BCKDHB: variants seen among roughly 807,000 people sequenced by gnomAD.
The protein encoded by BCKDHB is branched chain keto acid dehydrogenase E1 subunit beta, also known as 2-oxoisovalerate dehydrogenase subunit beta, mitochondrial.
Under a neutral mutation model 48.5 loss-of-function variants are expected in BCKDHB, and 41 were observed. The ratio of observed to expected loss-of-function variants is 0.85; its 90% CI spans 0.66 to 1.10. BCKDHB has a LOEUF of 1.10. BCKDHB is among the 50% of genes least tolerant of loss of function. The pLI is 0.00. For synonymous variants in BCKDHB, 201 were observed against 174.8 expected, an observed-to-expected ratio of 1.15 and a Z score of -1.18; for missense variants, 496 against 494.2, an observed-to-expected ratio of 1.00 and a Z score of -0.03.
At chr6:80,206,629 A>G (rs1414513449) in intron 8 of BCKDHB, among the ~76,000 whole-genome samples, 1 of 151,830 alleles carries the variant, frequency 6.6e-6, no homozygotes, top group Non-Finnish European at 1.5e-5. Context: ...TATATCTGAC[A>G]ATAAGAACTC....
chr6:80,234,285 A>C (rs748841909), intron 8 of BCKDHB, among the ~76,000 whole-genome samples: 4 of 152,200 alleles, frequency 2.6e-5, no homozygotes, highest in Non-Finnish European at 5.9e-5. Flanking sequence ...TCCATGAAGA[A>C]ACCAAGAAAA....
chr6:80,190,586 G>C lies in BCKDHB; in HGVS notation c.743-10348G>C, dbSNP rs79710592. 3.7e-3 allele frequency among the ~76,000 whole-genome samples: 569 copies of C among 152,180 alleles called. 3 individuals are homozygous for C. Among genetic ancestry groups the C allele is most frequent in the African/African-American group, 0.013 (541 of 41,508 alleles). ...GGTGATACTTTAAAGGTGCTTAAAC[G>C]TGCCTAATATGTTGAAAGGGCTCAC... On this transcript the variant is annotated intron_variant, in intron 6 of 9. Coordinates refer to ENST00000320393, the MANE Select transcript of BCKDHB (RefSeq NM_183050.4).
At chr6:80,230,327 C>T (rs1204641691) in intron 8 of BCKDHB, among the ~76,000 whole-genome samples, 10 of 151,908 alleles carry the variant, frequency 6.6e-5, no homozygotes, top group Non-Finnish European at 7.4e-5. Context: ...CGTGAGCCAC[C>T]GCGCCTGGCC....
intron 3 of BCKDHB, among the ~76,000 whole-genome samples, chr6:80,156,349 C>T (rs1772045424): frequency 6.6e-6 from 1 of 151,922 alleles, no homozygotes; most frequent in Non-Finnish European, 1.5e-5. Flanking sequence ...ATGAGGCTTT[C>T]ACTGAGATTC....
At chr6:80,375,058 T>C in the BCKDHB span, among the ~76,000 whole-genome samples, 3 of 152,236 alleles carry the variant, frequency 2.0e-5, no homozygotes, top group African/African-American at 4.8e-5. Context: ...AGTTACCTGA[T>C]GCTTTTGCCT....
chr6:80,439,345 A>G, the BCKDHB span, among the ~76,000 whole-genome samples: 2 of 152,234 alleles, frequency 1.3e-5, no homozygotes, highest in African/African-American at 2.4e-5. Flanking sequence ...GGCATTTCAT[A>G]AAGGCAAATC....
the BCKDHB span, among the ~76,000 whole-genome samples, chr6:80,407,319 T>G: frequency 9.5e-4 from 145 of 152,220 alleles, no homozygotes; most frequent in African/African-American, 3.3e-3. Flanking sequence ...TTTTAGCTTA[T>G]GATTGTCCTT....
chr6:80,192,342 A>T (rs1773937661), intron 6 of BCKDHB, among the ~76,000 whole-genome samples: 1 of 151,978 alleles, frequency 6.6e-6, no homozygotes, highest in South Asian at 2.1e-4. Context: ...CCTTTTATTC[A>T]GTGTTCAATT....
chr6:80,224,943 G>A (rs1156832879), intron 8 of BCKDHB, among the ~76,000 whole-genome samples: 3 of 152,190 alleles, frequency 2.0e-5, no homozygotes, highest in Non-Finnish European at 4.4e-5. Context: ...GAGGCAACCA[G>A]TTCTTTTGTT....
At chr6:80,250,291 A>C (rs952503548) in intron 8 of BCKDHB, among the ~76,000 whole-genome samples, 1 of 152,174 alleles carries the variant, frequency 6.6e-6, no homozygotes, top group Non-Finnish European at 1.5e-5. Flanking sequence ...CCTAACTCTC[A>C]AAAAATTGTG....
intron 6 of BCKDHB, among the ~76,000 whole-genome samples, chr6:80,182,331 T>C (rs909324193): frequency 6.6e-6 from 1 of 152,194 alleles, no homozygotes; most frequent in African/African-American, 2.4e-5. Context: ...GAACTATTCA[T>C]GGAATAGGAC....
chr6:80,111,003 G>T (rs1024360523), intron 1 of BCKDHB, among the ~76,000 whole-genome samples: 1 of 152,166 alleles, frequency 6.6e-6, no homozygotes, highest in East Asian at 1.9e-4. Flanking sequence ...TGCTTAAATT[G>T]TAGTAGTGCC....
intron 2 of BCKDHB, among the ~76,000 whole-genome samples, chr6:80,128,146 A>G (rs1456859750): frequency 1.3e-5 from 2 of 151,826 alleles, no homozygotes; most frequent in Non-Finnish European, 2.9e-5. Context: ...TACTTCATAT[A>G]TGTATATACA....
intron 8 of BCKDHB, chr6:80,251,625 T>G (rs1776842001): frequency 6.6e-6 from 1 of 152,208 alleles, no homozygotes; most frequent in Admixed American, 6.5e-5. Flanking sequence ...CAACTTCTAC[T>G]CCCGGCCTAA....
chr6:80,390,903 G>A, the BCKDHB span, among the ~76,000 whole-genome samples: 1 of 152,088 alleles, frequency 6.6e-6, no homozygotes, highest in Non-Finnish European at 1.5e-5. Flanking sequence ...ACCCTTAATC[G>A]AGTGGGCGCC....
chr6:80,121,483 C>G (rs1296139823), intron 1 of BCKDHB, among the ~76,000 whole-genome samples: 1 of 152,190 alleles, frequency 6.6e-6, no homozygotes, highest in East Asian at 1.9e-4. Context: ...ACAGATTCTT[C>G]TTATCCATGA....
At chr6:80,419,528 G>C in the BCKDHB span, among the ~76,000 whole-genome samples, 1 of 152,176 alleles carries the variant, frequency 6.6e-6, no homozygotes, top group Non-Finnish European at 1.5e-5. Flanking sequence ...TTGAGCTTAG[G>C]GGGATGGTTT....
chr6:80,265,087 A>G (rs758759104), intron 8 of BCKDHB, among the ~76,000 whole-genome samples: 2 of 152,128 alleles, frequency 1.3e-5, no homozygotes, highest in Non-Finnish European at 2.9e-5. Context: ...GAGAAATTGC[A>G]TCTCTTGTGC....
At chr6:80,124,630 C>T (rs1255006010) in intron 1 of BCKDHB, among the ~76,000 whole-genome samples, 1 of 152,126 alleles carries the variant, frequency 6.6e-6, no homozygotes, top group African/African-American at 2.4e-5. Flanking sequence ...ATCCCTTTAC[C>T]ATTATGTAAT....
Sources: allele counts gnomAD v4.1 joint callset (sites outside exome capture counted in the v4.1 genomes callset), GRCh38; gene constraint gnomAD v4.1.1; transcripts MANE v1.5; gene names NCBI Gene and HGNC (gene_info 2026-07-23, HGNC 2026-07-21).